MARCHF1: variants seen among roughly 807,000 people sequenced by gnomAD.
MARCHF1 encodes E3 ubiquitin-protein ligase MARCHF1.
In MARCHF1, 40 loss-of-function variants were observed where a neutral mutation model predicts 54.2. The ratio of observed to expected loss-of-function variants is 0.74; its 90% CI spans 0.57 to 0.96. MARCHF1 has a LOEUF of 0.96. Among genes scored for constraint, MARCHF1 ranks in the 40% least tolerant of loss-of-function variants. The pLI is 0.00. For missense variants in MARCHF1, 586 were observed against 656.5 expected, an observed-to-expected ratio of 0.89 and a Z score of 1.17; for synonymous variants, 236 against 236.3, an observed-to-expected ratio of 1.00 and a Z score of 0.01.
At chr4:164,126,131 A>G (rs1383795288) in intron 1 of MARCHF1, among the ~76,000 whole-genome samples, 1 of 152,210 alleles carries the variant, frequency 6.6e-6, no homozygotes, top group African/African-American at 2.4e-5. Context: ...TAAGGTCTGG[A>G]TGCTTTTGTC....
chr4:164,344,982 C>T (rs1730036207), intron 1 of MARCHF1, among the ~76,000 whole-genome samples: 1 of 152,158 alleles, frequency 6.6e-6, no homozygotes, highest in Non-Finnish European at 1.5e-5. Context: ...ATATTTCACA[C>T]ATGCTAAGCC....
chr4:164,273,769 A>C (rs1021833816), intron 1 of MARCHF1, among the ~76,000 whole-genome samples: 7 of 152,174 alleles, frequency 4.6e-5, no homozygotes, highest in African/African-American at 1.7e-4. Context: ...GAGCAATACA[A>C]ATTTAATGAA....
chr4:164,240,649 G>C (rs1299804524), intron 1 of MARCHF1, among the ~76,000 whole-genome samples: 1 of 152,152 alleles, frequency 6.6e-6, no homozygotes, highest in East Asian at 1.9e-4. Context: ...AACAGTGAGA[G>C]AATTCAGACA....
chr4:163,936,072 T>C (rs992556937), intron 3 of MARCHF1, among the ~76,000 whole-genome samples: 1 of 151,994 alleles, frequency 6.6e-6, no homozygotes, highest in African/African-American at 2.4e-5. Context: ...TATCAGAGAA[T>C]AGGAAGGTCC....
chr4:163,543,484 C>T (rs575388936), intron 9 of MARCHF1, among the ~76,000 whole-genome samples: 30 of 151,610 alleles, frequency 2.0e-4, no homozygotes, highest in South Asian at 4.2e-4. Context: ...CATTGCGACA[C>T]GCTGAGACTT....
At chr4:164,280,981 A>T (rs1579685959) in intron 1 of MARCHF1, among the ~76,000 whole-genome samples, 1 of 152,170 alleles carries the variant, frequency 6.6e-6, no homozygotes, top group South Asian at 2.1e-4. Context: ...AGAGGACTGA[A>T]TGGAATGTCT....
chr4:164,145,942 T>G (rs1287656376), intron 1 of MARCHF1, among the ~76,000 whole-genome samples: 7 of 88,928 alleles, frequency 7.9e-5, no homozygotes, highest in African/African-American at 2.4e-4. Context: ...CAGCCCAAAA[T>G]CTCCTTAAGC....
chr4:164,208,370 C>A (rs1189566879), intron 1 of MARCHF1, among the ~76,000 whole-genome samples: 1 of 152,180 alleles, frequency 6.6e-6, no homozygotes, highest in African/African-American at 2.4e-5. Flanking sequence ...ACCTCCCTTG[C>A]AAACTGGGAA....
At chr4:163,781,474 C>T (rs966352198) in intron 4 of MARCHF1, among the ~76,000 whole-genome samples, 1 of 152,134 alleles carries the variant, frequency 6.6e-6, no homozygotes, top group East Asian at 1.9e-4. Flanking sequence ...AATGGAATCA[C>T]TCTTGATAAG....
chr4:163,925,459 T>C (rs1751517126), intron 3 of MARCHF1, among the ~76,000 whole-genome samples: 1 of 151,854 alleles, frequency 6.6e-6, no homozygotes, highest in Admixed American at 6.6e-5. Flanking sequence ...TATCTAACAA[T>C]GGAAATAATT....
chr4:164,244,751 T>C lies in MARCHF1; in HGVS notation c.-322-133089A>G, dbSNP rs1455113683. ...AAAAAAGAGAGAAGAATCAAATAGA[T>C]GCAATAAAAAATGATAAAGGGGATA... On this transcript the variant is annotated intron_variant, in intron 1 of 9. Transcript: ENST00000514618. Among the ~76,000 whole-genome samples the C allele has an allele frequency of 4.0e-5, 6 of 151,470 alleles. No individual in the cohort carries two copies. The East Asian group carries it at 5.8e-4, about 15-fold the overall frequency.
intron 2 of MARCHF1, among the ~76,000 whole-genome samples, chr4:164,051,559 C>T (rs1043082416): frequency 1.3e-5 from 2 of 152,076 alleles, no homozygotes; most frequent in Admixed American, 1.3e-4. Flanking sequence ...ATGTTAACAA[C>T]CAACTAGACA....
chr4:163,728,668 A>G (rs1301028902), intron 4 of MARCHF1, among the ~76,000 whole-genome samples: 1 of 152,230 alleles, frequency 6.6e-6, no homozygotes, highest in African/African-American at 2.4e-5. Flanking sequence ...ACCTCACAAT[A>G]ATCACTTCCT....
intron 1 of MARCHF1, among the ~76,000 whole-genome samples, chr4:164,220,472 G>C (rs1302725065): frequency 6.9e-6 from 1 of 144,466 alleles, no homozygotes; most frequent in Non-Finnish European, 1.5e-5. Context: ...TATAGGTATG[G>C]AATATATATG....
At chr4:164,255,141 A>G (rs1457930216) in intron 1 of MARCHF1, among the ~76,000 whole-genome samples, 1 of 152,096 alleles carries the variant, frequency 6.6e-6, no homozygotes, top group East Asian at 1.9e-4. Context: ...AACAATACCA[A>G]TTTGAGGGTT....
intron 1 of MARCHF1, among the ~76,000 whole-genome samples, chr4:164,345,572 A>ACAT (rs1368120074): frequency 4.4e-4 from 40 of 90,216 alleles, no homozygotes; most frequent in African/African-American, 1.7e-3. Context: ...TCTGTCTCAA[A>ACAT]CATAATAATA....
chr4:163,700,812 C>A lies in MARCHF1; in HGVS notation c.162+1G>T. On this transcript the variant is annotated splice_donor_variant, in intron 5 of 9. Transcript: ENST00000514618. LOFTEE classifies it high-confidence loss of function. ...AACAAGAAAATGAGTACTTCACCTA[C>A]TTTTGAAATGTTACTTGATCGACTT... 6.5e-7 allele frequency: 1 copy of A among 1,535,790 alleles called. No individual in the cohort carries two copies. Among genetic ancestry groups the A allele is most frequent in the Non-Finnish European group, 8.7e-7 (1 of 1,145,898 alleles).
At chr4:163,714,311 T>C (rs1745195273) in intron 4 of MARCHF1, among the ~76,000 whole-genome samples, 1 of 152,218 alleles carries the variant, frequency 6.6e-6, no homozygotes, top group Admixed American at 6.5e-5. Context: ...GTGTGCTATA[T>C]AAATTGCTGT....
Position 164,146,981 on chromosome 4 carries a change from A to C in MARCHF1, c.-322-35319T>G, listed in dbSNP as rs1219875098. Among the ~76,000 whole-genome samples the C allele has an allele frequency of 7.3e-5, 11 of 151,624 alleles. No homozygotes were observed. In the East Asian group the frequency reaches 2.1e-3, roughly 29 times the overall value. ...TGAACTCAAACAAATTTACAAGAAAAAAACAAACAACCCCCTCAAAAAGTG... is the reference window on the plus strand; with the variant it reads ...TGAACTCAAACAAATTTACAAGAAACAAACAAACAACCCCCTCAAAAAGTG... On this transcript the variant is annotated intron_variant, in intron 1 of 9. Transcript: ENST00000514618.
Sources: allele counts gnomAD v4.1 joint callset (sites outside exome capture counted in the v4.1 genomes callset), GRCh38; gene constraint gnomAD v4.1.1; transcripts MANE v1.5; gene names NCBI Gene and HGNC (gene_info 2026-07-23, HGNC 2026-07-21).